The following CSMD1 variants were observed in gnomAD, a reference collection of about 807,000 sequenced individuals.
CSMD1 encodes the protein CUB and Sushi multiple domains 1.
In CSMD1, 213 loss-of-function variants were observed where a neutral mutation model predicts 417.5. The ratio of observed to expected loss-of-function variants is 0.51; its 90% CI spans 0.46 to 0.57. The LOEUF is 0.57. Among genes scored for constraint, CSMD1 ranks in the 20% least tolerant of loss-of-function variants. CSMD1 has a pLI of 0.00. For synonymous variants in CSMD1, 2,862 were observed against 1,736.8 expected, an observed-to-expected ratio of 1.65 and a Z score of -16.11; for missense variants, 6,923 against 4,529.7, an observed-to-expected ratio of 1.53 and a Z score of -15.17.
intron 12 of CSMD1, among the ~76,000 whole-genome samples, chr8:3,465,648 T>C (rs1267232290): frequency 1.3e-5 from 2 of 152,324 alleles, no homozygotes; most frequent in Admixed American, 1.3e-4. Flanking sequence ...TTTACACTAC[T>C]CAGGCTATTC....
intron 5 of CSMD1, among the ~76,000 whole-genome samples, chr8:3,848,346 A>G (rs557441584): frequency 9.1e-4 from 138 of 152,124 alleles, no homozygotes; most frequent in African/African-American, 2.7e-3. Flanking sequence ...CAATCTTATT[A>G]AAGAGAGTAA....
chr8:3,228,897 C>G (rs1381756853), intron 27 of CSMD1, among the ~76,000 whole-genome samples: 1 of 152,066 alleles, frequency 6.6e-6, no homozygotes, highest in Non-Finnish European at 1.5e-5. Context: ...TCTGCAGTCT[C>G]CCGGTGACTC....
At chr8:3,277,914 T>C (rs1802426583) in intron 26 of CSMD1, among the ~76,000 whole-genome samples, 1 of 152,162 alleles carries the variant, frequency 6.6e-6, no homozygotes. Flanking sequence ...TTTTATACAG[T>C]TCAAATTGGT....
At chr8:4,945,225 G>C (rs980571852) in intron 1 of CSMD1, among the ~76,000 whole-genome samples, 2 of 152,122 alleles carry the variant, frequency 1.3e-5, no homozygotes, top group African/African-American at 2.4e-5. Context: ...AAGTAGAATG[G>C]TGATTGCCAG....
chr8:3,788,637 G>C (rs17067560), intron 5 of CSMD1, among the ~76,000 whole-genome samples: 2,677 of 152,212 alleles, frequency 0.018, 78 homozygotes, highest in African/African-American at 0.06. Flanking sequence ...TTTTACTTGA[G>C]CCCTCTGAGG....
chr8:3,946,293 C>T (rs1010501013), intron 5 of CSMD1, among the ~76,000 whole-genome samples: 1 of 152,102 alleles, frequency 6.6e-6, no homozygotes, highest in Non-Finnish European at 1.5e-5. Context: ...CTCATCTCCT[C>T]AGTGGAAGTG....
intron 6 of CSMD1, among the ~76,000 whole-genome samples, chr8:3,752,309 C>T (rs529539380): frequency 3.4e-4 from 52 of 152,206 alleles, no homozygotes; most frequent in Non-Finnish European, 5.1e-4. Flanking sequence ...AAGAACCTTC[C>T]GGCAACATCA....
intron 2 of CSMD1, among the ~76,000 whole-genome samples, chr8:4,444,369 A>AAAAAAAAAAAAAAAAAAAAAC (rs1405912124): frequency 6.8e-6 from 1 of 146,798 alleles, no homozygotes; most frequent in African/African-American, 2.6e-5. Context: ...AAAAAAAAAA[A>AAAAAAAAAAAAAAAAAAAAAC]AAAAAAAGCA....
chr8:3,498,666 C>T (rs573327443), intron 10 of CSMD1, among the ~76,000 whole-genome samples: 99 of 152,318 alleles, frequency 6.5e-4, no homozygotes, highest in African/African-American at 2.3e-3. Context: ...TTGTTCCACA[C>T]ATTTTGTAGG....
chr8:4,331,059 A>T (rs11136731), intron 3 of CSMD1, among the ~76,000 whole-genome samples: 9 of 151,900 alleles, frequency 5.9e-5, no homozygotes, highest in African/African-American at 2.2e-4. Context: ...CTATTTCTTC[A>T]TAATTTTTGT....
At chr8:3,222,593 A>C (rs1490366768) in intron 28 of CSMD1, among the ~76,000 whole-genome samples, 1 of 152,124 alleles carries the variant, frequency 6.6e-6, no homozygotes, top group African/African-American at 2.4e-5. Flanking sequence ...ACAGTCATGA[A>C]CCACCATGCC....
chr8:3,812,557 C>T (rs148394824), intron 5 of CSMD1, among the ~76,000 whole-genome samples: 2 of 152,164 alleles, frequency 1.3e-5, no homozygotes, highest in Non-Finnish European at 2.9e-5. Context: ...TTCAACTATC[C>T]TCGGAGACCT....
intron 1 of CSMD1, among the ~76,000 whole-genome samples, chr8:4,927,124 A>ATTATT: frequency 6.7e-6 from 1 of 149,802 alleles, no homozygotes; most frequent in African/African-American, 2.4e-5. Context: ...TATTATTATT[A>ATTATT]AGATAGACAC....
At chr8:4,384,875 T>A (rs1159216026) in intron 3 of CSMD1, among the ~76,000 whole-genome samples, 2 of 150,088 alleles carry the variant, frequency 1.3e-5, no homozygotes, top group East Asian at 3.9e-4. Flanking sequence ...ATACAACTGC[T>A]CTAATTTCTG....
intron 23 of CSMD1, among the ~76,000 whole-genome samples, chr8:3,325,237 T>C (rs1167875298): frequency 6.6e-6 from 1 of 152,210 alleles, no homozygotes; most frequent in Non-Finnish European, 1.5e-5. Flanking sequence ...CAAATGAACC[T>C]TGCAAATGCA....
chr8:4,771,271 T>G (rs1298370251), intron 1 of CSMD1, among the ~76,000 whole-genome samples: 2 of 152,200 alleles, frequency 1.3e-5, no homozygotes, highest in East Asian at 3.9e-4. Context: ...ATTCCAAGTT[T>G]CTAATACCAA....
chr8:3,656,615 G>C (rs1422254003), intron 7 of CSMD1, among the ~76,000 whole-genome samples: 1 of 152,106 alleles, frequency 6.6e-6, no homozygotes, highest in Non-Finnish European at 1.5e-5. Flanking sequence ...TTCCTTGCTG[G>C]TGCAGCTGTC....
chr8:4,751,039 T>G (rs1288695265), intron 1 of CSMD1, among the ~76,000 whole-genome samples: 10 of 152,194 alleles, frequency 6.6e-5, no homozygotes, highest in South Asian at 4.1e-4. Context: ...ATCAAATCTT[T>G]CAGGAGGTTC....
intron 54 of CSMD1, 126 bp from the exon 55 acceptor site, chr8:2,978,926 G>A (rs1054531267): frequency 6.3e-6 from 5 of 798,808 alleles, no homozygotes; most frequent in Non-Finnish European, 9.4e-6. Flanking sequence ...GATGGCTGAG[G>A]CTCATGAAAT....
Sources: allele counts gnomAD v4.1 joint callset (sites outside exome capture counted in the v4.1 genomes callset), GRCh38; gene constraint gnomAD v4.1.1; transcripts MANE v1.5; gene names NCBI Gene and HGNC (gene_info 2026-07-23, HGNC 2026-07-21).